Variants in PSMA3 observed in about 807,000 individuals in gnomAD.
The protein encoded by PSMA3 is proteasome subunit alpha type-3.
In PSMA3, 8 loss-of-function variants were observed where a neutral mutation model predicts 40.0. The ratio of observed to expected loss-of-function variants is 0.20; its 90% CI spans 0.12 to 0.36. The LOEUF is 0.36. PSMA3 is among the 10% of genes least tolerant of loss of function. PSMA3 has a pLI of 1.00. For synonymous variants in PSMA3, 110 were observed against 100.0 expected, an observed-to-expected ratio of 1.10 and a Z score of -0.59; for missense variants, 219 against 310.6, an observed-to-expected ratio of 0.70 and a Z score of 2.22.
intron 1 of PSMA3, among the ~76,000 whole-genome samples, chr14:58,245,859 T>C (rs1486450112): frequency 6.6e-6 from 1 of 152,248 alleles, no homozygotes; most frequent in Non-Finnish European, 1.5e-5. Flanking sequence ...AATTTGATAA[T>C]AGGCAACTTA....
intron 7 of PSMA3, chr14:58,266,937 A>G (rs1184634831): frequency 6.6e-6 from 1 of 152,150 alleles, no homozygotes. Context: ...GATTTTTATA[A>G]TTTTGTCACA....
At position 58,244,880 on chromosome 14, in the gene PSMA3, C is replaced by T. The variant is rs375729415; in HGVS notation, c.-41C>T. On this transcript the variant is annotated 5_prime_UTR_variant, in exon 1 of 11. Transcript: ENST00000216455. ...CATCCTGTGGTATAGGGGAAGCGCT[C>T]CGGGCCTGGAATCCCTACGCGTCCC... 9.8e-5 allele frequency: 158 copies of T among 1,614,160 alleles called. 1 individual carries two copies. Among genetic ancestry groups the T allele is most frequent in the Admixed American group, 5.2e-4 (31 of 60,024 alleles).
chr14:58,246,023 C>A (rs948684739), intron 1 of PSMA3, among the ~76,000 whole-genome samples: 2 of 152,126 alleles, frequency 1.3e-5, no homozygotes, highest in African/African-American at 4.8e-5. Context: ...TTCTACAAAC[C>A]TTTTAAAGAA....
chr14:58,270,842 G>C, intron 9 of PSMA3, 92 bp from the exon 10 acceptor site: 2 of 1,073,846 alleles, frequency 1.9e-6, no homozygotes, highest in Non-Finnish European at 2.7e-6. Flanking sequence ...AGGTGAGTCA[G>C]ATATGTGGAT....
chr14:58,262,312 A>G (rs532540468), intron 6 of PSMA3, among the ~76,000 whole-genome samples: 3 of 151,918 alleles, frequency 2.0e-5, no homozygotes, highest in Non-Finnish European at 2.9e-5. Flanking sequence ...AGTTCAAGCA[A>G]TTCTGCCTCA....
At chr14:58,263,285 G>A (rs909547983) in intron 6 of PSMA3, among the ~76,000 whole-genome samples, 17 of 151,998 alleles carry the variant, frequency 1.1e-4, no homozygotes, top group African/African-American at 4.1e-4. Flanking sequence ...ACACCCAGCT[G>A]TGCATCCTTA....
chr14:58,262,778 G>C (rs1240407024), intron 6 of PSMA3, among the ~76,000 whole-genome samples: 3 of 151,916 alleles, frequency 2.0e-5, no homozygotes, highest in Non-Finnish European at 2.9e-5. Context: ...GCCCAGGCTG[G>C]TCTGGAACTC....
intron 8 of PSMA3, among the ~76,000 whole-genome samples, chr14:58,269,326 T>C (rs1289223134): frequency 6.6e-6 from 1 of 152,202 alleles, no homozygotes; most frequent in Non-Finnish European, 1.5e-5. Flanking sequence ...GGCCAGGTTA[T>C]GTGGCATATA....
intron 6 of PSMA3, among the ~76,000 whole-genome samples, chr14:58,262,556 A>T (rs1890312960): frequency 1.5e-5 from 2 of 137,730 alleles, no homozygotes; most frequent in African/African-American, 2.6e-5. Context: ...CTTTCCCTAA[A>T]TTATTACCAT....
intron 1 of PSMA3, among the ~76,000 whole-genome samples, chr14:58,245,874 T>C (rs1209690919): frequency 6.6e-6 from 1 of 152,262 alleles, no homozygotes; most frequent in African/African-American, 2.4e-5. Flanking sequence ...AACTTATGTC[T>C]GGAATGGTTT....
chr14:58,268,693 A>T (rs1460979622), intron 8 of PSMA3: 1 of 152,242 alleles, frequency 6.6e-6, no homozygotes, highest in Non-Finnish European at 1.5e-5. Flanking sequence ...TCCTTCTGGA[A>T]ATCAGTTCTT....
chr14:58,244,898 C>T lies in PSMA3; in HGVS notation c.-23C>T. 2 of 1,614,178 alleles carry T rather than the reference C, an allele frequency of 1.2e-6. No individual in the cohort carries two copies. ...AAGCGCTCCGGGCCTGGAATCCCTACGCGTCCCTTTGGGTTTAGCACGATG... is the reference window on the plus strand; with the variant it reads ...AAGCGCTCCGGGCCTGGAATCCCTATGCGTCCCTTTGGGTTTAGCACGATG... On this transcript the variant is annotated 5_prime_UTR_variant, in exon 1 of 11. In the 5' UTR this introduces an upstream ATG that the reference lacks. Transcript: ENST00000216455.
intron 7 of PSMA3, chr14:58,266,041 A>G (rs1328074762): frequency 6.6e-6 from 1 of 152,176 alleles, no homozygotes; most frequent in Non-Finnish European, 1.5e-5. Context: ...CAGTTTCTAC[A>G]CTGTCTTTTT....
At chr14:58,270,382 G>T in intron 8 of PSMA3, 36 bp from the exon 9 acceptor site, 1 of 1,611,306 alleles carries the variant, frequency 6.2e-7, no homozygotes. Context: ...ATGTTTGGAG[G>T]TTACCAAAAT....
At chr14:58,247,364 G>C (rs905638163) in intron 1 of PSMA3, among the ~76,000 whole-genome samples, 5 of 152,172 alleles carry the variant, frequency 3.3e-5, no homozygotes, top group African/African-American at 1.2e-4. Context: ...CTCATTAACT[G>C]CTTGGTGAAT....
chr14:58,248,681 G>A (rs974134770), intron 2 of PSMA3, among the ~76,000 whole-genome samples: 22 of 152,018 alleles, frequency 1.4e-4, no homozygotes, highest in Middle Eastern at 3.2e-3. Context: ...GCAGCCGGGC[G>A]TGGTGGCTCA....
At chr14:58,250,365 T>G (rs2140080351) in intron 2 of PSMA3, among the ~76,000 whole-genome samples, 1 of 152,248 alleles carries the variant, frequency 6.6e-6, no homozygotes, top group Non-Finnish European at 1.5e-5. Context: ...CAACTAAGTT[T>G]GCAAACCTTT....
intron 3 of PSMA3, among the ~76,000 whole-genome samples, chr14:58,254,558 ACTCCTGGG>A (rs1890101666): frequency 6.7e-6 from 1 of 148,998 alleles, no homozygotes; most frequent in Admixed American, 6.7e-5. Flanking sequence ...CTGGTCTTGA[ACTCCTGGG>A]CTCAAGCGAT....
chr14:58,258,044 A>G (rs532927206), intron 5 of PSMA3, 46 bp downstream of exon 5: 27 of 1,411,860 alleles, frequency 1.9e-5, no homozygotes, highest in Admixed American at 1.2e-4. Context: ...TGTACTATAG[A>G]TATTTATTAT....
Sources: gnomAD v4.1 joint callset for allele counts (sites outside exome capture counted in the v4.1 genomes callset) on GRCh38, gnomAD v4.1.1 for gene constraint, MANE v1.5 for transcripts, NCBI Gene and HGNC (gene_info 2026-07-23, HGNC 2026-07-21) for gene names.